Variants in ARF1 observed in about 807,000 individuals in gnomAD.
ARF1 encodes ARF GTPase 1, also known as ADP-ribosylation factor 1.
In ARF1, 1 loss-of-function variant was observed where a neutral mutation model predicts 18.0. The observed-to-expected ratio is 0.06, with a 90% confidence interval of 0.02 to 0.26. The LOEUF (loss-of-function observed/expected upper bound fraction) is 0.26, where lower values mean the gene tolerates loss of function less well. ARF1 is among the 10% of genes least tolerant of loss of function. ARF1 has a pLI of 1.00. For missense variants in ARF1, 73 were observed against 247.2 expected (o/e 0.30, Z 4.73); for synonymous variants, 112 against 96.3 (o/e 1.16, Z -0.95).
chr1:228,084,882 C>A (rs2032343975), intron 1 of ARF1, among the ~76,000 whole-genome samples: 1 of 152,214 alleles, frequency 6.6e-6, no homozygotes, highest in Non-Finnish European at 1.5e-5. Context: ...TGTATTTAAA[C>A]CTGCTGTTAC....
intron 1 of ARF1, among the ~76,000 whole-genome samples, chr1:228,094,687 T>TG (rs1558086375): frequency 6.6e-6 from 1 of 152,262 alleles, no homozygotes; most frequent in Non-Finnish European, 1.5e-5. Context: ...CCTGGTTCCC[T>TG]GGGGGAGCTT....
At chr1:228,092,756 G>C (rs2032613810) in intron 1 of ARF1, among the ~76,000 whole-genome samples, 1 of 152,186 alleles carries the variant, frequency 6.6e-6, no homozygotes, top group African/African-American at 2.4e-5. Flanking sequence ...GTACTGGCTG[G>C]TGGTCTGGGT....
chr1:228,094,048 G>A (rs140627450), intron 1 of ARF1, among the ~76,000 whole-genome samples: 1,588 of 152,078 alleles, frequency 0.01, 30 homozygotes, highest in African/African-American at 0.036. Flanking sequence ...ATGATCTCCT[G>A]GGCATGGTTG....
At chr1:228,093,844 C>T (rs1206206384) in intron 1 of ARF1, among the ~76,000 whole-genome samples, 2 of 150,990 alleles carry the variant, frequency 1.3e-5, no homozygotes, top group East Asian at 2.0e-4. Flanking sequence ...AAGAGAATCT[C>T]GAACCTGGGA....
At position 228,098,097 on chromosome 1, in the gene ARF1, A is replaced by T; in HGVS notation, c.*84A>T. ...GTGCGGCTCGTGGTGTGAGTGCCAG[A>T]AGCTGCCTCCGTGGTTTGGTCACCG... On this transcript the variant is annotated 3_prime_UTR_variant, in exon 5 of 5. Transcript: ENST00000272102. 6.6e-7 allele frequency: 1 copy of T among 1,506,648 alleles called. No homozygotes were observed. The highest frequency in any genetic ancestry group is 8.9e-7 in the Non-Finnish European group (1 of 1,118,046). The allele number at this position is 1,506,648 out of a possible 1,614,324, so 93.3% of individuals were successfully genotyped here. A position where few individuals can be genotyped will look rare whatever the true frequency, so the allele number is the denominator to read the frequency against.
rs924272189 is a variant in ARF1, at chr1:228,099,200, C to CT, written c.*1189dup. On this transcript the variant is annotated 3_prime_UTR_variant, in exon 5 of 5. Transcript: ENST00000272102. The stretch of plus-strand genomic sequence containing the variant: ...AATTATAGCTATTAGAATAAAATCT[C>CT]TTAACTATTTCACCGGCTCTCCAGT... 1 of 152,648 alleles carries CT rather than the reference C, an allele frequency of 6.6e-6. No homozygotes were observed. Among genetic ancestry groups the CT allele is most frequent in the South Asian group, 2.1e-4 (1 of 4,836 alleles). The allele number at this position is 152,648 out of a possible 1,614,324, so 9.5% of individuals were successfully genotyped here. A position where few individuals can be genotyped will look rare whatever the true frequency, so the allele number is the denominator to read the frequency against.
At chr1:228,093,721 G>C (rs777861453) in intron 1 of ARF1, among the ~76,000 whole-genome samples, 1 of 151,706 alleles carries the variant, frequency 6.6e-6, no homozygotes, top group Non-Finnish European at 1.5e-5. Context: ...TCAGGGGTTC[G>C]AGGCCAGCCC....
chr1:228,098,035 C>T lies in ARF1; in HGVS notation c.*22C>T. Reference sequence around the variant, plus strand: ...GTGAACGCGACCCCCCTCCCTCTCACTCCTCTTGCCCTCTGCTTTACTCTC... The same window carrying T: ...GTGAACGCGACCCCCCTCCCTCTCATTCCTCTTGCCCTCTGCTTTACTCTC... On this transcript the variant is annotated 3_prime_UTR_variant, in exon 5 of 5. Transcript: ENST00000272102. 6.3e-7 allele frequency: 1 copy of T among 1,599,622 alleles called. No individual in the cohort carries two copies. Among genetic ancestry groups the T allele is most frequent in the Non-Finnish European group, 8.5e-7 (1 of 1,170,912 alleles).
At position 228,086,713 on chromosome 1, in the gene ARF1, A is replaced by C. The variant is rs949021393; in HGVS notation, c.-38+3948A>C. ...CCGCCCACTGCATCTCTCCATCTGT[A>C]TCCTTTGTAACATCCTTTATGAAAA... On this transcript the variant is annotated intron_variant, in intron 1 of 4. Coordinates refer to ENST00000272102, the MANE Select transcript of ARF1 (RefSeq NM_001658.4). Among the ~76,000 whole-genome samples the C allele has an allele frequency of 9.9e-5, 15 of 152,026 alleles. No homozygotes were observed. In the East Asian group the frequency reaches 2.9e-3, roughly 29 times the overall value.
At chr1:228,090,900 A>G (rs180823844) in intron 1 of ARF1, 2 of 152,426 alleles carry the variant, frequency 1.3e-5, no homozygotes, top group Admixed American at 6.5e-5. Flanking sequence ...CAAGTCCTTC[A>G]TTGTAGCTGT....
At chr1:228,084,990 C>T (rs1013855008) in intron 1 of ARF1, among the ~76,000 whole-genome samples, 2 of 152,234 alleles carry the variant, frequency 1.3e-5, no homozygotes, top group Non-Finnish European at 2.9e-5. Context: ...GCTGGCGGGC[C>T]CATACTGTCT....
At chr1:228,094,163 CTGGG>C (rs1190681381) in intron 1 of ARF1, among the ~76,000 whole-genome samples, 3 of 152,094 alleles carry the variant, frequency 2.0e-5, no homozygotes, top group African/African-American at 4.8e-5. Context: ...CCCTGAGTGG[CTGGG>C]TGTTACTGTC....
rs1188917590 is a variant in ARF1, at chr1:228,098,856, A to C, written c.*843A>C. On this transcript the variant is annotated 3_prime_UTR_variant, in exon 5 of 5. Coordinates refer to ENST00000272102, the MANE Select transcript of ARF1 (RefSeq NM_001658.4). ...ACTTTGGCAGGATGTCTGGGGCCTC[A>C]CCAGCAGGAGCGCGTGCAAGCCGGG... The C allele has an allele frequency of 6.6e-6, 1 of 152,660 alleles. No homozygotes were observed. The highest frequency in any genetic ancestry group is 6.5e-5 in the Admixed American group (1 of 15,288). The allele number at this position is 152,660 out of a possible 1,614,324, so 9.5% of individuals were successfully genotyped here. A position where few individuals can be genotyped will look rare whatever the true frequency, so the allele number is the denominator to read the frequency against.
chr1:228,092,986 GAAGA>G (rs1197011232), intron 1 of ARF1, among the ~76,000 whole-genome samples: 2 of 152,322 alleles, frequency 1.3e-5, no homozygotes, highest in East Asian at 1.9e-4. Context: ...GGTCCTCACT[GAAGA>G]AAGAAACATT....
chr1:228,095,449 T>C (rs563629772), intron 1 of ARF1, among the ~76,000 whole-genome samples: 35 of 152,362 alleles, frequency 2.3e-4, no homozygotes, highest in Admixed American at 2.1e-3. Flanking sequence ...TGTCCAACCC[T>C]TAGGCCGCAT....
At chr1:228,090,553 A>C (rs2032545908) in intron 1 of ARF1, 1 of 152,200 alleles carries the variant, frequency 6.6e-6, no homozygotes, top group African/African-American at 2.4e-5. Context: ...GTTGGGGGCT[A>C]ATGTGGGTTT....
chr1:228,093,904 T>C, intron 1 of ARF1, among the ~76,000 whole-genome samples: 1 of 138,742 alleles, frequency 7.2e-6, no homozygotes, highest in African/African-American at 2.8e-5. Context: ...TGCAGTGAGC[T>C]GAGATCAAGC....
chr1:228,094,623 G>A (rs905217758), intron 1 of ARF1, among the ~76,000 whole-genome samples: 2 of 152,060 alleles, frequency 1.3e-5, no homozygotes, highest in African/African-American at 4.8e-5. Context: ...TCTCCATGTG[G>A]GGTTGGCTAG....
At position 228,089,282 on chromosome 1, in the gene ARF1, C is replaced by T. The variant is rs1444965991; in HGVS notation, c.-38+6517C>T. Among the ~76,000 whole-genome samples, 1 of 152,110 alleles carries T rather than the reference C, an allele frequency of 6.6e-6. No homozygotes were observed. Among genetic ancestry groups the T allele is most frequent in the Non-Finnish European group, 1.5e-5 (1 of 68,018 alleles). The stretch of plus-strand genomic sequence containing the variant: ...CTTGAAGGGAGGTCCCCAGAGTGTC[C>T]CCGGGGTGTGCCTTTCTCTCACCTA... On this transcript the variant is annotated intron_variant, in intron 1 of 4. Coordinates refer to ENST00000272102, the MANE Select transcript of ARF1 (RefSeq NM_001658.4). The surrounding 1 kb of genome is among the most constrained non-coding windows in gnomAD (Gnocchi z 4.1).
Sources: gnomAD v4.1 joint callset for allele counts (sites outside exome capture counted in the v4.1 genomes callset) on GRCh38, gnomAD v4.1.1 for gene constraint, Gnocchi (gnomAD v3.1) non-coding constraint, MANE v1.5 for transcripts, NCBI Gene and HGNC (gene_info 2026-07-23, HGNC 2026-07-21) for gene names.